TRAPPC6A: variants seen among roughly 807,000 people sequenced by gnomAD.
The protein encoded by TRAPPC6A is trafficking protein particle complex subunit 6A, also known as TRAPP complex subunit 6A.
TRAPPC6A carries 25 observed loss-of-function variants against 20.8 expected under a neutral mutation model. The observed-to-expected ratio is 1.20, with a 90% CI of 0.88 to 1.68. The LOEUF (loss-of-function observed/expected upper bound fraction) is 1.68. Ranked by LOEUF, TRAPPC6A falls within the 40% of genes most tolerant of loss-of-function variation. TRAPPC6A has a pLI of 0.00. For missense variants in TRAPPC6A, 215 were observed against 211.6 expected (o/e 1.02, Z -0.10); for synonymous variants, 96 against 93.3 (o/e 1.03, Z -0.16).
At position 45,172,484 on chromosome 19, in the gene TRAPPC6A, G is replaced by A. The variant is rs1300890205; in HGVS notation, c.84+5651C>T. ...CAACGCCCACCTGCTGAGCCACTCT[G>A]TGCCAGGCCCAGGGGTGTGGTGGGG... On this transcript the variant is annotated intron_variant, in intron 1 of 5. Coordinates refer to ENST00000585934, the MANE Select transcript of TRAPPC6A (RefSeq NM_001270891.2). This position sits in a 1 kb window ranked among gnomAD's most constrained non-coding sequence, Gnocchi z 4.2. 6.6e-6 allele frequency among the ~76,000 whole-genome samples: 1 copy of A among 151,684 alleles called. No individual in the cohort carries two copies. Among genetic ancestry groups the A allele is most frequent in the African/African-American group, 2.4e-5 (1 of 40,954 alleles).
intron 1 of TRAPPC6A, among the ~76,000 whole-genome samples, chr19:45,171,128 C>G (rs935018535): frequency 5.3e-5 from 8 of 152,188 alleles, no homozygotes; most frequent in African/African-American, 1.9e-4. Flanking sequence ...ATGGCAAAAC[C>G]CTGTCTCTAC....
intron 1 of TRAPPC6A, among the ~76,000 whole-genome samples, chr19:45,167,208 G>A (rs1191789099): frequency 6.6e-6 from 1 of 152,126 alleles, no homozygotes. Flanking sequence ...ATGAGACAAC[G>A]TGCATCAACA....
intron 1 of TRAPPC6A, among the ~76,000 whole-genome samples, chr19:45,168,899 G>T (rs1269402894): frequency 6.6e-6 from 1 of 152,180 alleles, no homozygotes; most frequent in Non-Finnish European, 1.5e-5. Context: ...TGGCGGGGGG[G>T]CCTGAGCTGA....
rs561929339 is a variant in TRAPPC6A, at chr19:45,171,397, A to G, written c.85-6203T>C. On this transcript the variant is annotated intron_variant, in intron 1 of 5. Coordinates refer to ENST00000585934, the MANE Select transcript of TRAPPC6A (RefSeq NM_001270891.2). ...ATGAATCTGCCAGAGCCCAGCCCAG[A>G]GCCGGTGCATTTCTGGGGCTCCCCA... Among the ~76,000 whole-genome samples, 6 of 152,322 alleles carry G rather than the reference A, an allele frequency of 3.9e-5. No homozygotes were observed. In the East Asian group the frequency reaches 9.6e-4, roughly 24 times the overall value.
At chr19:45,168,103 CG>C (rs1290868210) in intron 1 of TRAPPC6A, among the ~76,000 whole-genome samples, 2 of 149,976 alleles carry the variant, frequency 1.3e-5, no homozygotes, top group Non-Finnish European at 3.0e-5. Flanking sequence ...CCCGGGTTCA[CG>C]CCATTCTCCT....
chr19:45,165,318 C>G lies in TRAPPC6A; in HGVS notation c.85-124G>C, dbSNP rs947935548. 1.3e-5 allele frequency: 12 copies of G among 922,928 alleles called. No homozygotes were observed. In the African/African-American group the frequency reaches 1.6e-4, roughly 13 times the overall value. The allele number at this position is 922,928 out of a possible 1,614,324, so 57.2% of individuals were successfully genotyped here. ...TGGTGCTCGTCAGTTCAGGGGTGAGCAGGGAGGGGCTCTGGCACAGCCCGG... is the reference window on the plus strand; with the variant it reads ...TGGTGCTCGTCAGTTCAGGGGTGAGGAGGGAGGGGCTCTGGCACAGCCCGG... On this transcript the variant is annotated intron_variant, in intron 1 of 5. Coordinates refer to ENST00000585934, the MANE Select transcript of TRAPPC6A (RefSeq NM_001270891.2).
In TRAPPC6A at chr19:45,172,952, G is replaced by A. The variant is rs1395312321; in HGVS notation, c.84+5183C>T. Among the ~76,000 whole-genome samples the A allele has an allele frequency of 6.6e-6, 1 of 151,610 alleles. No homozygotes were observed. The highest frequency in any genetic ancestry group is 1.5e-5 in the Non-Finnish European group (1 of 68,030). ...GCTCCCAGCCACAGATGCTCAGGAC[G>A]GTGTTCCGGGCAGGGACCTATCTGA... On this transcript the variant is annotated intron_variant, in intron 1 of 5. Transcript: ENST00000585934. The surrounding 1 kb of genome is among the most constrained non-coding windows in gnomAD (Gnocchi z 4.2).
chr19:45,176,044 GTGCAGTGGCATGATCATAGCTCAC>G (rs1223070033), intron 1 of TRAPPC6A, among the ~76,000 whole-genome samples: 1 of 152,058 alleles, frequency 6.6e-6, no homozygotes, highest in Admixed American at 6.5e-5. Context: ...CCAGGCTGGA[GTGCAGTGGCATGATCATAGCTCAC>G]TGCAGCCTTG....
At chr19:45,178,061 T>C (rs751293354) in intron 1 of TRAPPC6A, 74 bp downstream of exon 1, 2 of 1,604,296 alleles carry the variant, frequency 1.2e-6, no homozygotes, top group Non-Finnish European at 1.7e-6. Context: ...CCCGGACGCC[T>C]GACGCGCCCT....
In TRAPPC6A at chr19:45,172,605, AGGACTT is replaced by A. The variant is rs1568465958; in HGVS notation, c.84+5524_84+5529del. 6.6e-6 allele frequency among the ~76,000 whole-genome samples: 1 copy of A among 151,618 alleles called. No individual in the cohort carries two copies. Among genetic ancestry groups the A allele is most frequent in the Non-Finnish European group, 1.5e-5 (1 of 68,024 alleles). On this transcript the variant is annotated intron_variant, in intron 1 of 5. Coordinates refer to ENST00000585934, the MANE Select transcript of TRAPPC6A (RefSeq NM_001270891.2). The surrounding 1 kb of genome is among the most constrained non-coding windows in gnomAD (Gnocchi z 4.2). Reference sequence around the variant, plus strand: ...TGAGGGGTGGGTGCGAGAAGCCTGCAGGACTTCCCTGCTGTTGCCCTCAACTCTCCT... The same window carrying A: ...TGAGGGGTGGGTGCGAGAAGCCTGCACCCTGCTGTTGCCCTCAACTCTCCT...
rs1969124092 is a variant in TRAPPC6A, at chr19:45,165,181, C to T, written c.98G>A (p.Ser33Asn). The T allele has an allele frequency of 6.2e-7, 1 of 1,605,638 alleles. No individual in the cohort carries two copies. Among genetic ancestry groups the T allele is most frequent in the African/African-American group, 1.3e-5 (1 of 74,436 alleles). Residue 33 changes from serine (S) to asparagine (N), a missense_variant, in exon 2 of 6, where the codon AGC becomes AAC. Ser to Asn is a conservative substitution (Grantham distance 46). Coordinates refer to ENST00000585934, the MANE Select transcript of TRAPPC6A (RefSeq NM_001270891.2). ...CCCCATACCCTCCAGGACCGACAGGCTCATCTTCTGTCCCTAGAAGGCCAG... is the reference window on the plus strand; with the variant it reads ...CCCCATACCCTCCAGGACCGACAGGTTCATCTTCTGTCCCTAGAAGGCCAG... ...PDPGPGGQKM[S>N]LSVLEGMGFR...
chr19:45,171,342 G>A (rs1969264861), intron 1 of TRAPPC6A, among the ~76,000 whole-genome samples: 1 of 113,904 alleles, frequency 8.8e-6, no homozygotes, highest in African/African-American at 3.5e-5. Context: ...AAAACAGAAG[G>A]GCTGGCCAGA....
chr19:45,169,750 T>A (rs1318553767), intron 1 of TRAPPC6A, among the ~76,000 whole-genome samples: 8 of 152,140 alleles, frequency 5.3e-5, no homozygotes, highest in Non-Finnish European at 1.2e-4. Flanking sequence ...CCGTGTCACC[T>A]CCTCCCACAG....
chr19:45,174,773 G>C (rs1969330352), intron 1 of TRAPPC6A, among the ~76,000 whole-genome samples: 1 of 152,056 alleles, frequency 6.6e-6, no homozygotes, highest in South Asian at 2.1e-4. Context: ...AGGCTACAGT[G>C]AACTATGATC....
chr19:45,163,901 C>T lies in TRAPPC6A; in HGVS notation c.448+15G>A. On this transcript the variant is annotated intron_variant, in intron 5 of 5. Transcript: ENST00000585934. The surrounding 1 kb of genome is among the most constrained non-coding windows in gnomAD (Gnocchi z 5.3). ...TCAAGGGATGAGAAGAATCCCCCCA[C>T]CCCCCATGACTCACAGACGGGCAGG... The T allele has an allele frequency of 1.9e-6, 3 of 1,555,696 alleles. No homozygotes were observed. The highest frequency in any genetic ancestry group is 2.6e-6 in the Non-Finnish European group (3 of 1,146,072).
intron 1 of TRAPPC6A, among the ~76,000 whole-genome samples, chr19:45,174,692 G>T (rs1969328466): frequency 6.6e-6 from 1 of 152,028 alleles, no homozygotes; most frequent in Non-Finnish European, 1.5e-5. Context: ...AGCAGGGTAT[G>T]GTTGTGTGCA....
intron 1 of TRAPPC6A, among the ~76,000 whole-genome samples, chr19:45,165,832 A>G (rs1311989479): frequency 6.6e-6 from 1 of 151,878 alleles, no homozygotes; most frequent in African/African-American, 2.4e-5. Context: ...GGCAGGCCCC[A>G]GGTAGGAGGG....
Position 45,164,015 on chromosome 19 carries a change from G to A in TRAPPC6A, c.355-6C>T. 2 of 1,568,986 alleles carry A rather than the reference G, an allele frequency of 1.3e-6. No homozygotes were observed. The highest frequency in any genetic ancestry group is 2.3e-5 in the East Asian group (1 of 43,056). ...CCGCAGGTGAAGGCCAGGAACTGAG[G>A]AGGGAACACAGACCAGCATGGGAAG... On this transcript the variant is annotated splice_polypyrimidine_tract_variant and splice_region_variant and intron_variant, in intron 4 of 5. Transcript: ENST00000585934.
rs1969072716 is a variant in TRAPPC6A, at chr19:45,163,885, GAGA to G, written c.448+28_448+30del. 6.5e-7 allele frequency: 1 copy of G among 1,538,914 alleles called. No individual in the cohort carries two copies. Among genetic ancestry groups the G allele is most frequent in the Admixed American group, 2.0e-5 (1 of 51,028 alleles). ...TGAAGCCCCCAGCAACTCAAGGGAT[GAGA>G]AGAATCCCCCCACCCCCCATGACTC... On this transcript the variant is annotated intron_variant, in intron 5 of 5. Coordinates refer to ENST00000585934, the MANE Select transcript of TRAPPC6A (RefSeq NM_001270891.2). The surrounding 1 kb of genome is among the most constrained non-coding windows in gnomAD (Gnocchi z 5.3).
Sources: gnomAD v4.1 joint callset for allele counts (sites outside exome capture counted in the v4.1 genomes callset) on GRCh38, gnomAD v4.1.1 for gene constraint, Gnocchi (gnomAD v3.1) non-coding constraint, MANE v1.5 for transcripts, NCBI Gene and HGNC (gene_info 2026-07-23, HGNC 2026-07-21) for gene names.